The following EDIL3 variants were observed in gnomAD, a reference collection of about 807,000 sequenced individuals.
EDIL3 encodes EGF-like repeat and discoidin I-like domain-containing protein 3.
A neutral mutation model predicts 67.4 loss-of-function variants in EDIL3; 37 were observed. That is an observed-to-expected ratio of 0.55 (90% CI 0.42 to 0.72). The LOEUF (loss-of-function observed/expected upper bound fraction) is 0.72, where lower values mean the gene tolerates loss of function less well. Among genes scored for constraint, EDIL3 ranks in the 30% least tolerant of loss-of-function variants. EDIL3 has a pLI of 0.00. For synonymous variants in EDIL3, 195 were observed against 196.3 expected, an observed-to-expected ratio of 0.99 and a Z score of 0.05; for missense variants, 527 against 586.3, an observed-to-expected ratio of 0.90 and a Z score of 1.04.
intron 4 of EDIL3, among the ~76,000 whole-genome samples, chr5:84,178,298 TC>T (rs1748955305): frequency 6.6e-6 from 1 of 152,172 alleles, no homozygotes; most frequent in African/African-American, 2.4e-5. Flanking sequence ...CTAATAAACT[TC>T]CTGAAGATCC....
At position 84,131,044 on chromosome 5, in the gene EDIL3, T is replaced by A. The variant is rs551173295; in HGVS notation, c.469+6197A>T. Reference sequence around the variant, plus strand: ...ACTAAAGAAGGACAAGTTGTTTGCATAAATAATAAAACTTAAAATCACACA... The same window carrying A: ...ACTAAAGAAGGACAAGTTGTTTGCAAAAATAATAAAACTTAAAATCACACA... On this transcript the variant is annotated intron_variant, in intron 5 of 10. Coordinates refer to ENST00000296591, the MANE Select transcript of EDIL3 (RefSeq NM_005711.5). Among the ~76,000 whole-genome samples, 14 of 152,148 alleles carry A rather than the reference T, an allele frequency of 9.2e-5. 1 individual carries two copies. The South Asian group carries it at 2.9e-3, about 32-fold the overall frequency.
intron 6 of EDIL3, chr5:84,078,963 T>G (rs925205413): frequency 2.6e-5 from 4 of 152,198 alleles, no homozygotes; most frequent in Middle Eastern, 3.2e-3. Context: ...GGGTTGGAAC[T>G]TCAGCCCCAC....
At chr5:84,310,976 C>T (rs1746374549) in intron 1 of EDIL3, among the ~76,000 whole-genome samples, 1 of 152,084 alleles carries the variant, frequency 6.6e-6, no homozygotes, top group Non-Finnish European at 1.5e-5. Flanking sequence ...TGAATGTATT[C>T]TATCATGTCT....
chr5:84,064,989 T>C, intron 7 of EDIL3, 145 bp from the exon 8 acceptor site: 6 of 1,053,168 alleles, frequency 5.7e-6, no homozygotes, highest in Non-Finnish European at 7.7e-6. Flanking sequence ...AGAAGTGCCT[T>C]GCCATGAGCA....
At chr5:84,301,514 C>T (rs986678304) in intron 1 of EDIL3, among the ~76,000 whole-genome samples, 4 of 152,002 alleles carry the variant, frequency 2.6e-5, no homozygotes, top group African/African-American at 7.2e-5. Flanking sequence ...CTATCATGGG[C>T]GAAATACAGA....
intron 1 of EDIL3, among the ~76,000 whole-genome samples, chr5:84,362,289 T>C (rs1237069219): frequency 1.3e-5 from 2 of 152,098 alleles, no homozygotes; most frequent in Non-Finnish European, 2.9e-5. Flanking sequence ...TTTGCTTTAA[T>C]TTTCTTTAGT....
Position 84,066,482 on chromosome 5 carries a change from A to T in EDIL3, c.776T>A (p.Met259Lys). Residue 259 changes from methionine (M) to lysine (K), a missense_variant, in exon 7 of 11, where the codon ATG becomes AAG. This residue lies in a region of EDIL3 where 494 missense variants were observed against 522.5 expected (regional missense o/e 0.95). Coordinates refer to ENST00000296591, the MANE Select transcript of EDIL3 (RefSeq NM_005711.5). ...AYSNDGKTWA[M>K]YKVKGTNEDM... ...TTCATTGGTGCCTTTCACTTTGTAC[A>T]TTGCCCAAGTCTTTCCATCATTACT... The T allele has an allele frequency of 6.2e-7, 1 of 1,609,626 alleles. No individual in the cohort carries two copies. Among genetic ancestry groups the T allele is most frequent in the Non-Finnish European group, 8.5e-7 (1 of 1,178,746 alleles).
rs544193276 is a variant in EDIL3, at chr5:84,288,930, C to T, written c.68-34718G>A. Among the ~76,000 whole-genome samples the T allele has an allele frequency of 9.9e-5, 15 of 151,776 alleles. No individual in the cohort carries two copies. In the East Asian group the frequency reaches 1.9e-3, roughly 20 times the overall value. ...ACAAGGTCTACATAAAATAAGTGCT[C>T]GAGAATACTTGTTGAATTAAAGTTG... is the stretch of plus-strand genomic sequence containing the variant. On this transcript the variant is annotated intron_variant, in intron 1 of 10. Coordinates refer to ENST00000296591, the MANE Select transcript of EDIL3 (RefSeq NM_005711.5).
At chr5:84,177,229 A>G (rs762269449) in intron 4 of EDIL3, among the ~76,000 whole-genome samples, 3 of 152,228 alleles carry the variant, frequency 2.0e-5, no homozygotes, top group African/African-American at 4.8e-5. Context: ...ACTATGGTAC[A>G]TCCATAAAAT....
intron 6 of EDIL3, among the ~76,000 whole-genome samples, chr5:84,104,196 T>C (rs1016774063): frequency 6.6e-6 from 1 of 151,648 alleles, no homozygotes; most frequent in Non-Finnish European, 1.5e-5. Flanking sequence ...CACGGACACA[T>C]AGAATGAAAT....
intron 9 of EDIL3, among the ~76,000 whole-genome samples, chr5:83,994,215 A>G (rs1335865161): frequency 5.3e-5 from 8 of 152,196 alleles, no homozygotes; most frequent in East Asian, 1.9e-4. Context: ...TTTATAAGGT[A>G]CTTTCAGATA....
intron 4 of EDIL3, among the ~76,000 whole-genome samples, chr5:84,179,385 C>T (rs777601637): frequency 1.3e-5 from 2 of 152,070 alleles, no homozygotes; most frequent in African/African-American, 2.4e-5. Context: ...TTTAGATGCC[C>T]GTTGTACAAA....
intron 1 of EDIL3, among the ~76,000 whole-genome samples, chr5:84,294,741 T>C (rs923286065): frequency 2.0e-5 from 3 of 152,206 alleles, no homozygotes; most frequent in African/African-American, 4.8e-5. Flanking sequence ...TTAATCTTTA[T>C]TAAGAACTTA....
At chr5:83,943,782 C>T (rs1156316632) in intron 10 of EDIL3, among the ~76,000 whole-genome samples, 2 of 151,780 alleles carry the variant, frequency 1.3e-5, no homozygotes, top group East Asian at 3.9e-4. Flanking sequence ...TTGTTTAATG[C>T]AGACATTCAT....
rs2607365 is a variant in EDIL3 at position 84,302,548 on chromosome 5, G to C, written c.68-48336C>G. 1.5e-3 allele frequency among the ~76,000 whole-genome samples: 222 copies of C among 152,052 alleles called. 1 individual carries two copies. Among genetic ancestry groups the C allele is most frequent in the African/African-American group, 5.0e-3 (209 of 41,494 alleles). ...CCTGACCTCGTGATCCGCCTGCCTC[G>C]GCCTCGCAAAGTGCTGAGATTACAG... is the stretch of plus-strand genomic sequence containing the variant. On this transcript the variant is annotated intron_variant, in intron 1 of 10. Coordinates refer to ENST00000296591, the MANE Select transcript of EDIL3 (RefSeq NM_005711.5).
chr5:84,017,362 T>G (rs1284248031), intron 9 of EDIL3, among the ~76,000 whole-genome samples: 1 of 152,172 alleles, frequency 6.6e-6, no homozygotes, highest in Non-Finnish European at 1.5e-5. Context: ...TTATTTTTAT[T>G]CATTTTAAAG....
chr5:84,026,225 A>G (rs1278236912), intron 9 of EDIL3, among the ~76,000 whole-genome samples: 2 of 152,190 alleles, frequency 1.3e-5, no homozygotes, highest in Non-Finnish European at 1.5e-5. Flanking sequence ...GTAGGACACC[A>G]CTGTTGGAGA....
chr5:84,133,940 T>C (rs1485191053), intron 5 of EDIL3, among the ~76,000 whole-genome samples: 1 of 152,110 alleles, frequency 6.6e-6, no homozygotes, highest in South Asian at 2.1e-4. Flanking sequence ...TAAGTATAAT[T>C]AGAAAATAAT....
chr5:84,061,586 T>C (rs1746542017), intron 8 of EDIL3, among the ~76,000 whole-genome samples: 1 of 152,150 alleles, frequency 6.6e-6, no homozygotes, highest in Non-Finnish European at 1.5e-5. Flanking sequence ...GTCTCCCATT[T>C]CCCAGCTGTG....
Sources: gnomAD v4.1 joint callset for allele counts (sites outside exome capture counted in the v4.1 genomes callset) on GRCh38, gnomAD v4.1.1 for gene constraint, gnomAD v4.1.1 regional missense constraint, MANE v1.5 for transcripts, NCBI Gene and HGNC (gene_info 2026-07-23, HGNC 2026-07-21) for gene names.